Variants in RNGTT observed in about 807,000 individuals in gnomAD.
The protein encoded by RNGTT is mRNA-capping enzyme.
Under a neutral mutation model 79.3 loss-of-function variants are expected in RNGTT, and 33 were observed. The ratio of observed to expected loss-of-function variants is 0.42; its 90% CI spans 0.32 to 0.56. The LOEUF (loss-of-function observed/expected upper bound fraction) is 0.56. Ranked by LOEUF, RNGTT falls within the 20% of genes least tolerant of loss-of-function variation. The pLI is 0.17. For missense variants in RNGTT, 497 were observed against 739.1 expected, an observed-to-expected ratio of 0.67 and a Z score of 3.80; for synonymous variants, 222 against 235.9, an observed-to-expected ratio of 0.94 and a Z score of 0.54.
At chr6:88,861,397 T>C (rs894091282) in intron 8 of RNGTT, among the ~76,000 whole-genome samples, 7 of 152,148 alleles carry the variant, frequency 4.6e-5, no homozygotes, top group Admixed American at 1.3e-4. Context: ...TCCAACTTTC[T>C]TCCTTCCCCA....
At chr6:88,767,030 A>C (rs1157771352) in intron 13 of RNGTT, among the ~76,000 whole-genome samples, 1 of 152,184 alleles carries the variant, frequency 6.6e-6, no homozygotes, top group Non-Finnish European at 1.5e-5. Context: ...AAAGACTGCT[A>C]TAATGCACAA....
intron 11 of RNGTT, among the ~76,000 whole-genome samples, chr6:88,823,519 T>A (rs1047067267): frequency 1.5e-4 from 22 of 150,914 alleles, no homozygotes; most frequent in African/African-American, 4.9e-5. Flanking sequence ...GAAAAATATA[T>A]CTGACAAAAG....
chr6:88,685,033 A>C (rs958960437), intron 13 of RNGTT, among the ~76,000 whole-genome samples: 2 of 152,200 alleles, frequency 1.3e-5, no homozygotes, highest in African/African-American at 4.8e-5. Context: ...AAGTGAATGA[A>C]GCCTATCTAA....
At chr6:88,657,176 G>A (rs1032115158) in intron 14 of RNGTT, among the ~76,000 whole-genome samples, 5 of 152,128 alleles carry the variant, frequency 3.3e-5, no homozygotes, top group Non-Finnish European at 5.9e-5. Context: ...CAAACTCCAT[G>A]AGACAGCCAA....
At chr6:88,740,542 G>A (rs982273550) in intron 13 of RNGTT, among the ~76,000 whole-genome samples, 5 of 151,570 alleles carry the variant, frequency 3.3e-5, no homozygotes, top group Non-Finnish European at 7.4e-5. Context: ...AGAAAGGAAA[G>A]AAAGAGAAAA....
intron 14 of RNGTT, among the ~76,000 whole-genome samples, chr6:88,662,137 C>T (rs1163236228): frequency 6.6e-6 from 1 of 152,222 alleles, no homozygotes; most frequent in Non-Finnish European, 1.5e-5. Flanking sequence ...TAGGCAAAAT[C>T]GGCATAGAGG....
At chr6:88,656,379 T>C (rs1773978276) in intron 14 of RNGTT, among the ~76,000 whole-genome samples, 1 of 152,138 alleles carries the variant, frequency 6.6e-6, no homozygotes, top group African/African-American at 2.4e-5. Flanking sequence ...TATAAAATGA[T>C]TGGTGTTTTA....
intron 13 of RNGTT, among the ~76,000 whole-genome samples, chr6:88,724,964 G>C (rs1476879434): frequency 6.6e-6 from 1 of 152,152 alleles, no homozygotes; most frequent in Non-Finnish European, 1.5e-5. Context: ...TCACGGATAA[G>C]AACCCCTTCC....
chr6:88,746,516 G>A (rs1472992279), intron 13 of RNGTT, among the ~76,000 whole-genome samples: 1 of 152,176 alleles, frequency 6.6e-6, no homozygotes, highest in East Asian at 1.9e-4. Flanking sequence ...AATGTTGGTG[G>A]GGGAATGCTT....
chr6:88,860,125 T>C (rs1318271718), intron 8 of RNGTT, among the ~76,000 whole-genome samples: 1 of 152,214 alleles, frequency 6.6e-6, no homozygotes, highest in African/African-American at 2.4e-5. Context: ...TCACAGTGAC[T>C]ACGACAGTAG....
intron 13 of RNGTT, among the ~76,000 whole-genome samples, chr6:88,760,559 A>G (rs985795473): frequency 2.0e-5 from 3 of 152,236 alleles, no homozygotes; most frequent in Admixed American, 1.3e-4. Context: ...ATAAAAAAAT[A>G]CAACCAGCTA....
At chr6:88,776,517 T>G (rs1209225823) in intron 12 of RNGTT, among the ~76,000 whole-genome samples, 2 of 151,646 alleles carry the variant, frequency 1.3e-5, no homozygotes. Flanking sequence ...TTTTTTTTAG[T>G]AGAGATGGGG....
At chr6:88,727,107 A>G (rs1421647971) in intron 13 of RNGTT, among the ~76,000 whole-genome samples, 6 of 152,172 alleles carry the variant, frequency 3.9e-5, no homozygotes, top group Non-Finnish European at 7.4e-5. Context: ...CAGAAAGTTG[A>G]GGCATGTCAA....
At chr6:88,792,296 C>T (rs548957934) in intron 12 of RNGTT, among the ~76,000 whole-genome samples, 28 of 152,292 alleles carry the variant, frequency 1.8e-4, no homozygotes, top group African/African-American at 6.7e-4. Flanking sequence ...CTATAATCAA[C>T]TCTCTTCTTA....
intron 10 of RNGTT, 102 bp from the exon 11 acceptor site, chr6:88,844,623 C>T: frequency 9.0e-7 from 1 of 1,105,408 alleles, no homozygotes; most frequent in Non-Finnish European, 1.3e-6. Context: ...GTGTAAACAG[C>T]ATCCTCTGGA....
intron 15 of RNGTT, among the ~76,000 whole-genome samples, chr6:88,613,678 A>T (rs145087253): frequency 7.2e-5 from 11 of 152,138 alleles, no homozygotes; most frequent in African/African-American, 2.7e-4. Context: ...TAAAAATGCA[A>T]TCCAGAACAA....
chr6:88,626,070 C>T (rs1456536045), intron 14 of RNGTT, among the ~76,000 whole-genome samples: 1 of 151,932 alleles, frequency 6.6e-6, no homozygotes, highest in Admixed American at 6.6e-5. Context: ...TTAATATCCC[C>T]ATTTCACAGA....
intron 14 of RNGTT, among the ~76,000 whole-genome samples, chr6:88,658,406 TGGTTCACA>T (rs1466826126): frequency 6.6e-6 from 1 of 152,184 alleles, no homozygotes; most frequent in Non-Finnish European, 1.5e-5. Flanking sequence ...GATCTGAAGA[TGGTTCACA>T]TCACAGGACT....
intron 13 of RNGTT, among the ~76,000 whole-genome samples, chr6:88,749,403 G>T (rs754892154): frequency 2.0e-5 from 3 of 151,746 alleles, no homozygotes; most frequent in Non-Finnish European, 4.4e-5. Flanking sequence ...AGATGTGCGT[G>T]CTAAAATTTC....
Sources: gnomAD v4.1 joint callset for allele counts (sites outside exome capture counted in the v4.1 genomes callset) on GRCh38, gnomAD v4.1.1 for gene constraint, MANE v1.5 for transcripts, NCBI Gene and HGNC (gene_info 2026-07-23, HGNC 2026-07-21) for gene names.